CP: variants seen among roughly 807,000 people sequenced by gnomAD.
The protein encoded by CP is caeruloplasmin.
A neutral mutation model predicts 122.4 loss-of-function variants in CP; 64 were observed. That is an observed-to-expected ratio of 0.52 (90% confidence interval 0.43 to 0.64). CP has a LOEUF of 0.64. Ranked by LOEUF, CP falls within the 30% of genes least tolerant of loss-of-function variation. The probability of loss-of-function intolerance (pLI) is 0.00; values close to 1 mark genes in which losing one functional copy is unlikely to be tolerated. For synonymous variants in CP, 440 were observed against 436.4 expected (o/e 1.01, Z -0.10); for missense variants, 1,167 against 1,284.4 (o/e 0.91, Z 1.40).
At chr3:149,221,051 G>T (rs1214391289) in intron 1 of CP, among the ~76,000 whole-genome samples, 3 of 152,000 alleles carry the variant, frequency 2.0e-5, no homozygotes, top group Non-Finnish European at 2.9e-5. Context: ...ATTTTTTTAT[G>T]CACATATGTG....
intron 14 of CP, chr3:149,180,062 C>T (rs1323983631): frequency 7.5e-6 from 2 of 266,368 alleles, no homozygotes; most frequent in Non-Finnish European, 1.5e-5. Context: ...GCACCTTTCC[C>T]GTAATCTCTG....
At chr3:149,215,500 C>A (rs1176825739) in intron 1 of CP, among the ~76,000 whole-genome samples, 1 of 152,208 alleles carries the variant, frequency 6.6e-6, no homozygotes, top group African/African-American at 2.4e-5. Flanking sequence ...TTGCAATATG[C>A]AAACTGCTTT....
chr3:149,179,710 G>A (rs771662340), intron 14 of CP, 48 bp from the exon 15 acceptor site: 1 of 651,712 alleles, frequency 1.5e-6, no homozygotes. Context: ...GGTTTATATT[G>A]TACACACACA....
intron 1 of CP, among the ~76,000 whole-genome samples, chr3:149,216,478 C>T (rs1728465898): frequency 2.0e-5 from 3 of 152,160 alleles, no homozygotes; most frequent in Admixed American, 1.3e-4. Context: ...TGTGTGGACT[C>T]TTCAGATAAT....
At chr3:149,199,595 G>A (rs1021018200) in intron 8 of CP, 117 bp downstream of exon 8, 4 of 1,199,386 alleles carry the variant, frequency 3.3e-6, no homozygotes, top group African/African-American at 1.5e-5. Context: ...GCCTAGAAAT[G>A]ATATATGAGC....
intron 5 of CP, among the ~76,000 whole-genome samples, chr3:149,206,821 A>G (rs1727760669): frequency 1.3e-5 from 2 of 152,202 alleles, no homozygotes; most frequent in Admixed American, 1.3e-4. Context: ...GATAAAAGCA[A>G]TTATATTTGC....
rs764332129 is a variant in CP at position 149,198,591 on chromosome 3, T to A, written c.1502-13A>T. On this transcript the variant is annotated splice_polypyrimidine_tract_variant and intron_variant, in intron 8 of 18. Transcript: ENST00000264613. ...GAAGGAGGCACACCTGTGAGAAAGG[T>A]CACATTAGAGAGGTGAAGTGTGCTT... is the stretch of plus-strand genomic sequence containing the variant. 1 of 1,610,858 alleles carries A rather than the reference T, an allele frequency of 6.2e-7. No homozygotes were observed. The highest frequency in any genetic ancestry group is 1.1e-5 in the South Asian group (1 of 90,820).
At chr3:149,168,007 G>C, downstream of CP, 1 of 1,285,796 alleles carries the variant, frequency 7.8e-7, no homozygotes, top group East Asian at 2.3e-5. Flanking sequence ...TTTTTTGCTT[G>C]ATTATAAACT....
In CP at chr3:149,199,823, T is replaced by C. The variant is rs867987205; in HGVS notation, c.1390A>G (p.Thr464Ala). The C allele has an allele frequency of 1.2e-6, 2 of 1,613,994 alleles. No homozygotes were observed. The highest frequency in any genetic ancestry group is 1.7e-6 in the Non-Finnish European group (2 of 1,179,984). The change falls in exon 8 of 19, where the codon ACC becomes GCC. Residue 464 changes from threonine (T) to alanine (A), a missense_variant. Thr to Ala is a moderately conservative substitution (Grantham distance 58). Coordinates refer to ENST00000264613, the MANE Select transcript of CP (RefSeq NM_000096.4). ...WAEVGDTIRV[T>A]FHNKGAYPLS... Reference sequence around the variant, plus strand: ...GGATATGCTCCTTTGTTATGGAAGGTTACTCTGATGGTGTCTCCCACCTCT... The same window carrying C: ...GGATATGCTCCTTTGTTATGGAAGGCTACTCTGATGGTGTCTCCCACCTCT...
At chr3:149,172,491 G>A (rs1725102539), downstream of CP, 3 of 315,978 alleles carry the variant, frequency 9.5e-6, no homozygotes, top group East Asian at 1.3e-4. Flanking sequence ...CCTCAAAGAA[G>A]CCATACATTT....
chr3:149,165,958 G>A, exon 5 of CP: 1 of 453,792 alleles, frequency 2.2e-6, no homozygotes, highest in Non-Finnish European at 4.4e-6. Context: ...TATTCTCCTG[G>A]TCATTCCTTG....
intron 9 of CP, among the ~76,000 whole-genome samples, chr3:149,189,308 C>T (rs1260656727): frequency 6.6e-6 from 1 of 152,088 alleles, no homozygotes; most frequent in African/African-American, 2.4e-5. Context: ...AATCCCAGCA[C>T]TTTGGGAGGC....
intron 3 of CP, among the ~76,000 whole-genome samples, chr3:149,209,740 T>C (rs1727981987): frequency 6.6e-6 from 1 of 152,200 alleles, no homozygotes; most frequent in Admixed American, 6.5e-5. Context: ...AGAATTGTAT[T>C]TCAGGCTCTT....
chr3:149,189,693 G>T (rs1255206050), intron 9 of CP, among the ~76,000 whole-genome samples: 1 of 152,052 alleles, frequency 6.6e-6, no homozygotes. Context: ...GTAACACCAG[G>T]TAAAGAACAA....
chr3:149,196,097 A>G lies in CP; in HGVS notation c.1713+2270T>C, dbSNP rs144800901. On this transcript the variant is annotated intron_variant, in intron 9 of 18. Coordinates refer to ENST00000264613, the MANE Select transcript of CP (RefSeq NM_000096.4). ...ATCTCTAGTGGGATCTACCCTAATG[A>G]CAAAAAGAGTGGCAAACAAATCTTA... Among the ~76,000 whole-genome samples the G allele has an allele frequency of 1.1e-3, 172 of 152,318 alleles. 1 individual carries two copies. Among genetic ancestry groups the G allele is most frequent in the African/African-American group, 3.9e-3 (163 of 41,576 alleles).
At chr3:149,162,944 T>C (rs1724035699) in intron 5 of CP, 2 of 1,264,296 alleles carry the variant, frequency 1.6e-6, no homozygotes, top group Non-Finnish European at 2.3e-6. Flanking sequence ...CATACCTTAT[T>C]TTTAATAACT....
downstream of CP, chr3:149,172,019 ATTGG>A: frequency 6.7e-7 from 1 of 1,491,924 alleles, no homozygotes; most frequent in East Asian, 2.3e-5. Context: ...CTGGCTTCTA[ATTGG>A]TTGGTTAAGT....
At chr3:149,209,473 G>T (rs2108295139) in intron 3 of CP, 89 bp from the exon 4 acceptor site, 1 of 1,337,790 alleles carries the variant, frequency 7.5e-7, no homozygotes, top group Non-Finnish European at 1.0e-6. Context: ...TTTTAAAAAT[G>T]TTAGTATTTA....
At chr3:149,218,012 A>G (rs1007074073) in intron 1 of CP, 20 of 253,700 alleles carry the variant, frequency 7.9e-5, no homozygotes, top group African/African-American at 4.5e-4. Context: ...CCCGGTAATA[A>G]TGTTTGTAAG....
Sources: gnomAD v4.1 joint callset for allele counts (sites outside exome capture counted in the v4.1 genomes callset) on GRCh38, gnomAD v4.1.1 for gene constraint, MANE v1.5 for transcripts, NCBI Gene and HGNC (gene_info 2026-07-23, HGNC 2026-07-21) for gene names.